SLIT2: variants seen among roughly 807,000 people sequenced by gnomAD.
SLIT2 encodes the protein slit guidance ligand 2.
SLIT2 carries 41 observed loss-of-function variants against 185.7 expected under a neutral mutation model. The observed-to-expected ratio is 0.22, with a 90% CI of 0.17 to 0.29. The LOEUF is 0.29. Among genes scored for constraint, SLIT2 ranks in the 10% least tolerant of loss-of-function variants. The probability of loss-of-function intolerance (pLI) is 1.00; values close to 1 mark genes in which losing one functional copy is unlikely to be tolerated. For synonymous variants in SLIT2, 693 were observed against 680.2 expected (o/e 1.02, Z -0.29); for missense variants, 1,571 against 1,909.0 (o/e 0.82, Z 3.30).
chr4:20,501,838 T>C (rs562285241), intron 9 of SLIT2, among the ~76,000 whole-genome samples: 1 of 152,250 alleles, frequency 6.6e-6, no homozygotes, highest in Admixed American at 6.5e-5. Flanking sequence ...AAAGAATAAT[T>C]GAAGAGAAAG....
At chr4:20,336,853 G>A (rs1007114922) in intron 4 of SLIT2, among the ~76,000 whole-genome samples, 23 of 152,186 alleles carry the variant, frequency 1.5e-4, no homozygotes, top group African/African-American at 4.1e-4. Flanking sequence ...CATTTGAACC[G>A]CATTTGCAAC....
intron 18 of SLIT2, among the ~76,000 whole-genome samples, chr4:20,538,885 CAAT>C (rs1041195112): frequency 8.0e-5 from 12 of 150,618 alleles, no homozygotes; most frequent in Non-Finnish European, 1.2e-4. Context: ...CAATTTAAAA[CAAT>C]GAGCTAATTT....
chr4:20,560,756 G>A (rs1481802743), intron 26 of SLIT2, among the ~76,000 whole-genome samples: 1 of 151,842 alleles, frequency 6.6e-6, no homozygotes, highest in East Asian at 1.9e-4. Flanking sequence ...ACAATCTAAT[G>A]GAGATGACTT....
Position 20,603,673 on chromosome 4 carries a change from T to C in SLIT2, c.3692+5278T>C, listed in dbSNP as rs1728576018. On this transcript the variant is annotated intron_variant, in intron 33 of 36. Transcript: ENST00000504154. ...AAAATCAGATGGACCACCTTACTAG[T>C]GTACAGTTTTTCATATTTAGGCAAC... is the stretch of plus-strand genomic sequence containing the variant. Among the ~76,000 whole-genome samples, 9 of 152,276 alleles carry C rather than the reference T, an allele frequency of 5.9e-5. 1 individual carries two copies. In the South Asian group the frequency reaches 1.9e-3, roughly 32 times the overall value.
chr4:20,566,911 T>C (rs1725136090), intron 26 of SLIT2, among the ~76,000 whole-genome samples: 1 of 151,998 alleles, frequency 6.6e-6, no homozygotes, highest in Non-Finnish European at 1.5e-5. Context: ...GGCATGTCCA[T>C]GAAGCAGGAG....
intron 4 of SLIT2, among the ~76,000 whole-genome samples, chr4:20,421,770 C>T (rs187654141): frequency 1.3e-5 from 2 of 152,272 alleles, no homozygotes; most frequent in African/African-American, 4.8e-5. Context: ...GCTCTGATGT[C>T]AAGAGGCTCT....
chr4:20,322,218 C>T (rs953484735), intron 4 of SLIT2, among the ~76,000 whole-genome samples: 1 of 152,174 alleles, frequency 6.6e-6, no homozygotes. Context: ...CCAAAGTTAA[C>T]TACATGCACC....
chr4:20,393,722 T>G (rs942112231), intron 4 of SLIT2: 7 of 152,096 alleles, frequency 4.6e-5, no homozygotes, highest in African/African-American at 1.4e-4. Flanking sequence ...TGTCCCTTCT[T>G]TCATTCTTTT....
intron 30 of SLIT2, among the ~76,000 whole-genome samples, chr4:20,590,126 C>T (rs908233107): frequency 2.0e-5 from 3 of 152,086 alleles, no homozygotes; most frequent in East Asian, 1.9e-4. Context: ...AGGATGGTCT[C>T]GATCTCCTGA....
intron 4 of SLIT2, among the ~76,000 whole-genome samples, chr4:20,371,422 A>G (rs1257090112): frequency 1.7e-4 from 26 of 152,064 alleles, no homozygotes; most frequent in Non-Finnish European, 8.8e-5. Context: ...ATGTTTCTCC[A>G]ATAGAAGCAG....
intron 34 of SLIT2, chr4:20,616,662 A>ATTTGCT: frequency 2.5e-6 from 1 of 397,874 alleles, no homozygotes; most frequent in East Asian, 3.8e-5. Context: ...AATTTTAAAG[A>ATTTGCT]TTAACCACCA....
intron 29 of SLIT2, chr4:20,573,182 T>C (rs999835287): frequency 4.3e-6 from 3 of 702,880 alleles, no homozygotes; most frequent in Non-Finnish European, 7.8e-6. Context: ...TGCTCTGCTG[T>C]TGTATTGCAA....
intron 4 of SLIT2, among the ~76,000 whole-genome samples, chr4:20,417,457 TAC>T (rs1491491912): frequency 1.4e-5 from 2 of 145,014 alleles, no homozygotes; most frequent in African/African-American, 2.5e-5. Flanking sequence ...TATATATATA[TAC>T]GTATATATAT....
intron 16 of SLIT2, among the ~76,000 whole-genome samples, chr4:20,529,821 C>A (rs551524874): frequency 6.6e-6 from 1 of 152,294 alleles, no homozygotes; most frequent in South Asian, 2.1e-4. Flanking sequence ...AAAACCTCAT[C>A]ATTCTCTAAA....
At chr4:20,534,179 G>T (rs1722063352) in intron 18 of SLIT2, among the ~76,000 whole-genome samples, 1 of 152,086 alleles carries the variant, frequency 6.6e-6, no homozygotes, top group African/African-American at 2.4e-5. Context: ...TTGGCCCAAT[G>T]ACTGTAAGCT....
chr4:20,609,709 A>G (rs1334142393), intron 33 of SLIT2, among the ~76,000 whole-genome samples: 24 of 152,248 alleles, frequency 1.6e-4, no homozygotes, highest in Non-Finnish European at 8.8e-5. Flanking sequence ...AAATGTATAA[A>G]TTATCCTTTG....
chr4:20,549,577 C>T (rs1270187022), intron 24 of SLIT2, among the ~76,000 whole-genome samples: 1 of 151,876 alleles, frequency 6.6e-6, no homozygotes. Flanking sequence ...TTGATGTGCT[C>T]TCTGGTCCTT....
intron 11 of SLIT2, among the ~76,000 whole-genome samples, chr4:20,518,083 G>GTATA (rs533312464): frequency 0.013 from 1,659 of 132,704 alleles, 26 homozygotes; most frequent in East Asian, 0.072. Context: ...ATATGTGTGT[G>GTATA]TATATATATA....
intron 4 of SLIT2, among the ~76,000 whole-genome samples, chr4:20,311,810 C>CA (rs1560306627): frequency 6.6e-6 from 1 of 151,990 alleles, no homozygotes; most frequent in Non-Finnish European, 1.5e-5. Flanking sequence ...AATGTGTATC[C>CA]AATAAGCTAT....
Sources: allele counts gnomAD v4.1 joint callset (sites outside exome capture counted in the v4.1 genomes callset), GRCh38; gene constraint gnomAD v4.1.1; transcripts MANE v1.5; gene names NCBI Gene and HGNC (gene_info 2026-07-23, HGNC 2026-07-21).